ERC1: variants seen among roughly 807,000 people sequenced by gnomAD.
ERC1 encodes the protein RAB6 interacting protein 2.
Under a neutral mutation model 132.0 loss-of-function variants are expected in ERC1, and 56 were observed. That is an observed-to-expected ratio of 0.42 (90% CI 0.34 to 0.53). ERC1 has a LOEUF of 0.53. Among genes scored for constraint, ERC1 ranks in the 20% least tolerant of loss-of-function variants. The pLI is 0.03. For synonymous variants in ERC1, 478 were observed against 476.1 expected (o/e 1.00, Z -0.05); for missense variants, 1,202 against 1,349.9 (o/e 0.89, Z 1.72).
At chr12:1,254,360 C>T (rs2076656480) in intron 13 of ERC1, among the ~76,000 whole-genome samples, 1 of 152,098 alleles carries the variant, frequency 6.6e-6, no homozygotes, top group South Asian at 2.1e-4. Flanking sequence ...TCTTATTCCC[C>T]TAGGCTGCCA....
chr12:1,394,799 C>A (rs1255832951), intron 16 of ERC1, among the ~76,000 whole-genome samples: 1 of 152,142 alleles, frequency 6.6e-6, no homozygotes, highest in African/African-American at 2.4e-5. Context: ...TCAATTGAAC[C>A]AATTTTCTTC....
chr12:1,115,913 C>A lies in ERC1; in HGVS notation c.1449C>A (p.Leu483=). 1 of 1,614,118 alleles carries A rather than the reference C, an allele frequency of 6.2e-7. No individual in the cohort carries two copies. The highest frequency in any genetic ancestry group is 1.1e-5 in the South Asian group (1 of 91,074). The part of the protein sequence containing the change: ...QELSRKDTEL[L]ALQTKLETLT... Reference sequence around the variant, plus strand: ...TGTCCAGAAAGGACACAGAACTACTCGCCCTGCAGACAAAGCTAGAAACAC... The same window carrying A: ...TGTCCAGAAAGGACACAGAACTACTAGCCCTGCAGACAAAGCTAGAAACAC... The change falls in exon 7 of 19, where the codon CTC becomes CTA. Residue 483 remains leucine (L), a synonymous_variant. Transcript: ENST00000360905.
chr12:1,251,057 TTTTC>T (rs904203474), intron 13 of ERC1, among the ~76,000 whole-genome samples: 73 of 152,210 alleles, frequency 4.8e-4, no homozygotes, highest in African/African-American at 1.7e-3. Context: ...ACATTTGTGT[TTTTC>T]TCTGTAATTT....
At chr12:1,101,380 G>A (rs1593295890) in intron 3 of ERC1, among the ~76,000 whole-genome samples, 1 of 152,216 alleles carries the variant, frequency 6.6e-6, no homozygotes, top group Non-Finnish European at 1.5e-5. Flanking sequence ...AGGCATGTGA[G>A]TGTGTTACGC....
intron 10 of ERC1, among the ~76,000 whole-genome samples, chr12:1,182,287 G>A (rs150565543): frequency 6.6e-5 from 10 of 152,276 alleles, no homozygotes; most frequent in Middle Eastern, 3.4e-3. Context: ...TTTGTTTTAT[G>A]TTGGTTTTTT....
intron 12 of ERC1, among the ~76,000 whole-genome samples, chr12:1,235,666 T>C (rs2075365195): frequency 6.6e-6 from 1 of 152,064 alleles, no homozygotes; most frequent in Non-Finnish European, 1.5e-5. Flanking sequence ...TTGGAAACAT[T>C]TAGAAAGTCA....
intron 16 of ERC1, among the ~76,000 whole-genome samples, chr12:1,379,323 G>T (rs1451354008): frequency 6.6e-6 from 1 of 152,112 alleles, no homozygotes; most frequent in South Asian, 2.1e-4. Context: ...CTAAAGTTCT[G>T]GTACTGCATA....
intron 15 of ERC1, among the ~76,000 whole-genome samples, chr12:1,315,869 C>T (rs771013674): frequency 7.2e-5 from 11 of 151,874 alleles, no homozygotes; most frequent in South Asian, 2.1e-4. Context: ...TTTCTAGAAA[C>T]GTGAATTTAC....
intron 15 of ERC1, among the ~76,000 whole-genome samples, chr12:1,308,539 A>G (rs1466812056): frequency 6.6e-6 from 1 of 152,192 alleles, no homozygotes; most frequent in East Asian, 1.9e-4. Flanking sequence ...TAGCACAATC[A>G]CTAAATTTTT....
intron 18 of ERC1, among the ~76,000 whole-genome samples, chr12:1,447,617 GTTTGTC>G (rs145037066): frequency 3.1e-4 from 46 of 150,664 alleles, no homozygotes; most frequent in African/African-American, 1.1e-3. Flanking sequence ...TTGTAAAACA[GTTTGTC>G]TTTGTTTTGT....
intron 16 of ERC1, among the ~76,000 whole-genome samples, chr12:1,392,465 A>C (rs2090056069): frequency 6.6e-6 from 1 of 152,212 alleles, no homozygotes. Flanking sequence ...GATTTTTTTA[A>C]GTTATAATTT....
At position 1,348,522 on chromosome 12, in the gene ERC1, G is replaced by A. The variant is rs533372999; in HGVS notation, c.2781-23311G>A. 2.6e-5 allele frequency among the ~76,000 whole-genome samples: 4 copies of A among 152,030 alleles called. No homozygotes were observed. The East Asian group carries it at 5.8e-4, about 22-fold the overall frequency. On this transcript the variant is annotated intron_variant, in intron 15 of 18. Transcript: ENST00000360905. ...GCCAAAACCAACATGGTGAAACCCC[G>A]TCTCTACCAAAAATACAAAAATTAG...
At chr12:1,187,410 C>A (rs976801124) in intron 11 of ERC1, among the ~76,000 whole-genome samples, 3 of 150,958 alleles carry the variant, frequency 2.0e-5, no homozygotes, top group East Asian at 1.9e-4. Context: ...ATTTAGTATT[C>A]TTTTATTATC....
chr12:1,382,606 C>T (rs78088962), intron 16 of ERC1, among the ~76,000 whole-genome samples: 42 of 152,296 alleles, frequency 2.8e-4, no homozygotes, highest in African/African-American at 9.9e-4. Flanking sequence ...ATCTTCCTCA[C>T]CTATAATATT....
At chr12:1,314,677 G>A (rs2081563773) in intron 15 of ERC1, among the ~76,000 whole-genome samples, 1 of 152,142 alleles carries the variant, frequency 6.6e-6, no homozygotes, top group Non-Finnish European at 1.5e-5. Context: ...TTTCTAAGAA[G>A]TAAATATGTA....
At chr12:1,283,149 T>C (rs1193250544) in intron 14 of ERC1, among the ~76,000 whole-genome samples, 1 of 152,150 alleles carries the variant, frequency 6.6e-6, no homozygotes, top group Non-Finnish European at 1.5e-5. Flanking sequence ...TATTAGCTTG[T>C]GATTTAAGCA....
chr12:1,006,766 T>G (rs1409525237), intron 1 of ERC1, among the ~76,000 whole-genome samples: 1 of 152,036 alleles, frequency 6.6e-6, no homozygotes, highest in Admixed American at 6.6e-5. Flanking sequence ...TCAAGTGATC[T>G]TCTGTCTTGG....
intron 17 of ERC1, among the ~76,000 whole-genome samples, chr12:1,440,503 G>T: frequency 7.0e-6 from 1 of 142,422 alleles, no homozygotes; most frequent in African/African-American, 2.7e-5. Context: ...ACCGCGCCCG[G>T]CCTTTTTTTT....
At chr12:1,149,356 C>A (rs183651549) in intron 8 of ERC1, among the ~76,000 whole-genome samples, 1 of 152,234 alleles carries the variant, frequency 6.6e-6, no homozygotes, top group African/African-American at 2.4e-5. Flanking sequence ...TTAGTGCTTA[C>A]AGCTGAAACT....
Sources: gnomAD v4.1 joint callset for allele counts (sites outside exome capture counted in the v4.1 genomes callset) on GRCh38, gnomAD v4.1.1 for gene constraint, MANE v1.5 for transcripts, NCBI Gene and HGNC (gene_info 2026-07-23, HGNC 2026-07-21) for gene names.